Variants in SH3TC2 observed in about 807,000 individuals in gnomAD.
SH3TC2 encodes the protein SH3 domain and tetratricopeptide repeat-containing protein 2.
SH3TC2 carries 87 observed loss-of-function variants against 124.5 expected under a neutral mutation model. The ratio of observed to expected loss-of-function variants is 0.70; its 90% CI spans 0.59 to 0.84. The LOEUF is 0.84. SH3TC2 is among the 40% of genes least tolerant of loss of function. The pLI is 0.00. For synonymous variants in SH3TC2, 634 were observed against 628.5 expected, an observed-to-expected ratio of 1.01 and a Z score of -0.13; for missense variants, 1,536 against 1,566.4, an observed-to-expected ratio of 0.98 and a Z score of 0.33.
chr5:149,049,104 T>C (rs1442975897), intron 2 of SH3TC2, among the ~76,000 whole-genome samples: 1 of 152,218 alleles, frequency 6.6e-6, no homozygotes, highest in Non-Finnish European at 1.5e-5. Flanking sequence ...GTCTTTAACC[T>C]GAAAATGCTG....
In SH3TC2 at chr5:148,988,162, GGT is replaced by G. The variant is rs1753364317; in HGVS notation, c.*16547_*16548del. Among the ~76,000 whole-genome samples, 1 of 152,130 alleles carries G rather than the reference GGT, an allele frequency of 6.6e-6. No homozygotes were observed. Among genetic ancestry groups the G allele is most frequent in the Admixed American group, 6.5e-5 (1 of 15,276 alleles). On this transcript the variant is annotated 3_prime_UTR_variant, in exon 17 of 17. Coordinates refer to ENST00000515425, the MANE Select transcript of SH3TC2 (RefSeq NM_024577.4). ...TATGCACACAGGCTAGAAGTTGAGT[GGT>G]GGAAGATTCAAGAGAACAAGCTAGA...
In SH3TC2 at chr5:149,038,340, C is replaced by G. The variant is rs753423455; in HGVS notation, c.956G>C (p.Gly319Ala). The change falls in exon 8 of 17, where the codon GGC (glycine) becomes GCC (alanine). Residue 319 changes from glycine to alanine, a missense_variant. Coordinates refer to ENST00000515425, the MANE Select transcript of SH3TC2 (RefSeq NM_024577.4). Reference protein sequence around the residue: ...IGKSTSSGQVGFVPTRNIDPD... With the variant: ...IGKSTSSGQVAFVPTRNIDPD... ...ATCTATGTTCCTGGTGGGGACAAAG[C>G]CCACTTGTCCTGAACTTGTCGACTT... 6.2e-7 allele frequency: 1 copy of G among 1,614,142 alleles called. No individual in the cohort carries two copies.
At chr5:149,059,480 G>GT (rs145170004) in intron 1 of SH3TC2, among the ~76,000 whole-genome samples, 204 of 148,594 alleles carry the variant, frequency 1.4e-3, no homozygotes, top group Admixed American at 3.6e-3. Flanking sequence ...TTATCTGCAT[G>GT]TTTTTTTTTT....
rs1753427668 is a variant in SH3TC2 at position 148,992,040 on chromosome 5, C to G, written c.*12671G>C. On this transcript the variant is annotated 3_prime_UTR_variant, in exon 17 of 17. Coordinates refer to ENST00000515425, the MANE Select transcript of SH3TC2 (RefSeq NM_024577.4). The stretch of plus-strand genomic sequence containing the variant: ...TAACAACAGAGCTGAGCTAGAGGGT[C>G]TCCAAAGCCCACCAGCTGCCACTTT... Among the ~76,000 whole-genome samples, 1 of 152,214 alleles carries G rather than the reference C, an allele frequency of 6.6e-6. No individual in the cohort carries two copies. The highest frequency in any genetic ancestry group is 2.4e-5 in the African/African-American group (1 of 41,456).
At position 149,007,095 on chromosome 5, in the gene SH3TC2, G is replaced by A. The variant is rs770211168; in HGVS notation, c.3479-18C>T. The A allele has an allele frequency of 6.8e-6, 11 of 1,612,546 alleles. 1 individual carries two copies. In the South Asian group the frequency reaches 1.1e-4, roughly 16 times the overall value. On this transcript the variant is annotated intron_variant, in intron 15 of 16. Transcript: ENST00000515425. ...CTGATCTCCTAAGAATTGGAAGACT[G>A]AGAGAGATATCCTGCAACCAACACT...
In SH3TC2 at chr5:148,988,952, T is replaced by C. The variant is rs1753378422; in HGVS notation, c.*15759A>G. On this transcript the variant is annotated 3_prime_UTR_variant, in exon 17 of 17. Coordinates refer to ENST00000515425, the MANE Select transcript of SH3TC2 (RefSeq NM_024577.4). The stretch of plus-strand genomic sequence containing the variant: ...GCAACCTTCTCTCTCACTCAAAATG[T>C]TTCCCTTATCTGGTCTAGTTGTGCC... Among the ~76,000 whole-genome samples the C allele has an allele frequency of 6.6e-6, 1 of 152,218 alleles. No individual in the cohort carries two copies. Among genetic ancestry groups the C allele is most frequent in the Non-Finnish European group, 1.5e-5 (1 of 68,046 alleles).
At chr5:149,009,098 C>G in intron 14 of SH3TC2, 97 bp from the exon 15 acceptor site, 1 of 1,453,092 alleles carries the variant, frequency 6.9e-7, no homozygotes, top group Non-Finnish European at 9.7e-7. Context: ...GGTTGGGGAA[C>G]GGCAGTGGAC....
chr5:149,048,101 T>G (rs1217417853), intron 2 of SH3TC2, 112 bp from the exon 3 acceptor site: 2 of 1,421,908 alleles, frequency 1.4e-6, no homozygotes, highest in Admixed American at 1.7e-5. Flanking sequence ...TCAACTGGTG[T>G]CCTCATTAGT....
At chr5:149,037,577 T>C (rs1406364575) in intron 8 of SH3TC2, among the ~76,000 whole-genome samples, 2 of 152,126 alleles carry the variant, frequency 1.3e-5, no homozygotes, top group Admixed American at 6.5e-5. Context: ...CGCTATGTTG[T>C]GTCAGTGTTA....
At chr5:149,029,496 G>A (rs1754144968) in intron 9 of SH3TC2, among the ~76,000 whole-genome samples, 1 of 152,102 alleles carries the variant, frequency 6.6e-6, no homozygotes, top group Non-Finnish European at 1.5e-5. Flanking sequence ...GTCACAAATT[G>A]CTGGCCAGAG....
Position 149,012,799 on chromosome 5 carries a change from A to G in SH3TC2, c.3054-65T>C, listed in dbSNP as rs11954893. 326,547 of 1,576,378 alleles carry G rather than the reference A, an allele frequency of 0.21. 35,858 individuals carry two copies. The highest frequency in any genetic ancestry group is 0.32 in the African/African-American group (24,049 of 74,218). On this transcript the variant is annotated intron_variant, in intron 12 of 16. Coordinates refer to ENST00000515425, the MANE Select transcript of SH3TC2 (RefSeq NM_024577.4). ...AGGGGCCTTAGGGTCCACTCAGCAC[A>G]GGATGAAACAGAAGCTCTGAGCAGG...
At chr5:149,062,876 G>T (rs758259106) in intron 1 of SH3TC2, 95 bp downstream of exon 1, 17 of 1,203,646 alleles carry the variant, frequency 1.4e-5, no homozygotes, top group Non-Finnish European at 2.0e-5. Context: ...CCCATCTTTG[G>T]GAGAAAAGTT....
intron 8 of SH3TC2, among the ~76,000 whole-genome samples, chr5:149,032,657 G>T (rs942824383): frequency 4.6e-5 from 7 of 152,110 alleles, no homozygotes; most frequent in East Asian, 1.9e-4. Flanking sequence ...TTTTACAGAC[G>T]AATAAACTGA....
In SH3TC2 at chr5:149,001,273, A is replaced by G. The variant is rs367587126; in HGVS notation, c.*3438T>C. On this transcript the variant is annotated 3_prime_UTR_variant, in exon 17 of 17. Transcript: ENST00000515425. The stretch of plus-strand genomic sequence containing the variant: ...GACAAAAGCAATATTGGATTTCAGA[A>G]TGTTAATACTGTTGGACAGGGAACT... 1 of 152,350 alleles carries G rather than the reference A, an allele frequency of 6.6e-6. No homozygotes were observed. Among genetic ancestry groups the G allele is most frequent in the Non-Finnish European group, 1.5e-5 (1 of 68,040 alleles). The allele number at this position is 152,350 out of a possible 1,614,324, so 9.4% of individuals were successfully genotyped here.
In SH3TC2 at chr5:149,004,599, G is replaced by T; in HGVS notation, c.*112C>A. 2 of 1,103,142 alleles carry T rather than the reference G, an allele frequency of 1.8e-6. No individual in the cohort carries two copies. The highest frequency in any genetic ancestry group is 1.6e-5 in the South Asian group (1 of 62,178). The allele number at this position is 1,103,142 out of a possible 1,614,324, so 68.3% of individuals were successfully genotyped here. On this transcript the variant is annotated 3_prime_UTR_variant, in exon 17 of 17. Coordinates refer to ENST00000515425, the MANE Select transcript of SH3TC2 (RefSeq NM_024577.4). Reference sequence around the variant, plus strand: ...GACTTCATTCTTCTTCTTGTGAAATGAGGGGGCTAGGCCAGGTAAGGACTC... The same window carrying T: ...GACTTCATTCTTCTTCTTGTGAAATTAGGGGGCTAGGCCAGGTAAGGACTC...
At chr5:149,005,041 T>G (rs1753663961) in intron 16 of SH3TC2, 139 bp from the exon 17 acceptor site, 1 of 989,608 alleles carries the variant, frequency 1.0e-6, no homozygotes, top group South Asian at 1.5e-5. Flanking sequence ...AATCCCCATC[T>G]CCTGAGTCCT....
At chr5:149,015,861 G>T (rs902284021) in intron 12 of SH3TC2, among the ~76,000 whole-genome samples, 2 of 152,200 alleles carry the variant, frequency 1.3e-5, no homozygotes, top group Admixed American at 1.3e-4. Flanking sequence ...TCTGTGTGAG[G>T]TGTTGGATGT....
chr5:149,034,563 T>C (rs1193675352), intron 8 of SH3TC2: 3 of 360,474 alleles, frequency 8.3e-6, no homozygotes, highest in East Asian at 1.9e-4. Flanking sequence ...TAACATGATG[T>C]CCATTTCTTT....
chr5:149,005,409 G>A (rs540248632), intron 16 of SH3TC2, among the ~76,000 whole-genome samples: 1 of 152,364 alleles, frequency 6.6e-6, no homozygotes, highest in East Asian at 1.9e-4. Context: ...TGATGATTGA[G>A]AAACAGGATC....
Sources: allele counts gnomAD v4.1 joint callset (sites outside exome capture counted in the v4.1 genomes callset), GRCh38; gene constraint gnomAD v4.1.1; transcripts MANE v1.5; gene names NCBI Gene and HGNC (gene_info 2026-07-23, HGNC 2026-07-21).